CTNND2: variants seen among roughly 807,000 people sequenced by gnomAD.
The protein encoded by CTNND2 is catenin delta 2, also known as catenin delta-2.
A neutral mutation model predicts 144.4 loss-of-function variants in CTNND2; 22 were observed. The observed-to-expected ratio is 0.15, with a 90% CI of 0.11 to 0.22. The LOEUF is 0.22. Ranked by LOEUF, CTNND2 falls within the 10% of genes least tolerant of loss-of-function variation. CTNND2 has a pLI of 1.00. For missense variants in CTNND2, 1,353 were observed against 1,618.8 expected (o/e 0.84, Z 2.82); for synonymous variants, 751 against 695.6 (o/e 1.08, Z -1.25).
chr5:11,073,756 C>T (rs895047374), intron 16 of CTNND2, among the ~76,000 whole-genome samples: 1 of 152,180 alleles, frequency 6.6e-6, no homozygotes, highest in African/African-American at 2.4e-5. Flanking sequence ...GGCACCTAAT[C>T]TGAAGATACA....
chr5:11,314,824 T>C (rs1376461639), intron 9 of CTNND2, among the ~76,000 whole-genome samples: 1 of 150,438 alleles, frequency 6.6e-6, no homozygotes, highest in Non-Finnish European at 1.5e-5. Context: ...AATGGGGACA[T>C]GATTTGGGGA....
intron 3 of CTNND2, among the ~76,000 whole-genome samples, chr5:11,460,931 C>A (rs1392149121): frequency 2.6e-5 from 4 of 152,060 alleles, no homozygotes. Flanking sequence ...CGTCTGTAAT[C>A]CCAGCTACTT....
intron 11 of CTNND2, among the ~76,000 whole-genome samples, chr5:11,160,495 T>C (rs1183256470): frequency 6.6e-6 from 1 of 152,254 alleles, no homozygotes; most frequent in Non-Finnish European, 1.5e-5. Flanking sequence ...AAATATTTTT[T>C]AAAAGGAGAT....
intron 9 of CTNND2, among the ~76,000 whole-genome samples, chr5:11,288,560 T>C (rs1311438): frequency 0.33 from 50,874 of 151,918 alleles, 8,614 homozygotes; most frequent in Middle Eastern, 0.44. Flanking sequence ...GATCTTTTGA[T>C]ATATCTAGCT....
chr5:11,735,806 C>A (rs1055478596), intron 1 of CTNND2, among the ~76,000 whole-genome samples: 1 of 152,146 alleles, frequency 6.6e-6, no homozygotes, highest in Non-Finnish European at 1.5e-5. Context: ...CCATGCAGAA[C>A]TGTGAGTCCA....
Position 10,973,410 on chromosome 5 carries a change from T to C in CTNND2, c.*43A>G, listed in dbSNP as rs200216751. On this transcript the variant is annotated 3_prime_UTR_variant, in exon 22 of 22. Transcript: ENST00000304623. The surrounding 1 kb of genome is among the most constrained non-coding windows in gnomAD (Gnocchi z 5.6). ...AAACAGAAAGAAATGTCTTGTGGTA[T>C]GCATGCACATGCACTGTTCCCGGAG... The C allele has an allele frequency of 8.0e-5, 120 of 1,493,986 alleles. No homozygotes were observed. The highest frequency in any genetic ancestry group is 5.6e-5 in the African/African-American group (4 of 71,064). The allele number at this position is 1,493,986 out of a possible 1,614,324, so 92.5% of individuals were successfully genotyped here. A position where few individuals can be genotyped will look rare whatever the true frequency, so the allele number is the denominator to read the frequency against.
chr5:11,493,952 ATACT>A (rs564437762), intron 3 of CTNND2, among the ~76,000 whole-genome samples: 27 of 151,276 alleles, frequency 1.8e-4, no homozygotes, highest in Admixed American at 5.3e-4. Context: ...TTATGAATTA[ATACT>A]TAAATATAAA....
At position 11,166,657 on chromosome 5, in the gene CTNND2, T is replaced by C. The variant is rs536149681; in HGVS notation, c.1976-6898A>G. 2.6e-5 allele frequency among the ~76,000 whole-genome samples: 4 copies of C among 152,272 alleles called. No homozygotes were observed. In the East Asian group the frequency reaches 7.7e-4, roughly 29 times the overall value. ...CCACTACCTCCTCCACCCACACCCA[T>C]TCACACTTTGAGTCCCTAGTGTGTG... On this transcript the variant is annotated intron_variant, in intron 11 of 21. Transcript: ENST00000304623.
chr5:11,197,637 A>G (rs1736997155), intron 11 of CTNND2, among the ~76,000 whole-genome samples: 2 of 152,138 alleles, frequency 1.3e-5, no homozygotes, highest in Non-Finnish European at 2.9e-5. Context: ...GGCACACGTG[A>G]ACGGCCGACA....
intron 1 of CTNND2, among the ~76,000 whole-genome samples, chr5:11,770,415 AGAAGGAAGGAAG>A (rs1206057309): frequency 7.0e-4 from 7 of 10,030 alleles, no homozygotes; most frequent in African/African-American, 6.5e-4. Flanking sequence ...AAAAAAGGAA[AGAAGGAAGGAAG>A]GAAGGAAGGA....
intron 3 of CTNND2, among the ~76,000 whole-genome samples, chr5:11,451,643 T>TCAA (rs1275033843): frequency 1.3e-5 from 2 of 152,324 alleles, no homozygotes; most frequent in East Asian, 3.9e-4. Flanking sequence ...TAAATGATAC[T>TCAA]CAACCTGGAT....
At chr5:11,479,805 T>C (rs890104866) in intron 3 of CTNND2, among the ~76,000 whole-genome samples, 3 of 152,196 alleles carry the variant, frequency 2.0e-5, no homozygotes, top group African/African-American at 7.2e-5. Context: ...ATGTCTTCTT[T>C]TGAAAAGTGT....
intron 2 of CTNND2, among the ~76,000 whole-genome samples, chr5:11,726,516 T>C (rs191173234): frequency 1.1e-4 from 17 of 152,308 alleles, no homozygotes; most frequent in Non-Finnish European, 1.5e-4. Context: ...CTATCTAATG[T>C]TTTAAACTTT....
intron 3 of CTNND2, among the ~76,000 whole-genome samples, chr5:11,444,252 A>T (rs1450184629): frequency 6.6e-6 from 1 of 152,216 alleles, no homozygotes; most frequent in Non-Finnish European, 1.5e-5. Flanking sequence ...GTTGGAATTG[A>T]TGTAGAGAAT....
chr5:11,888,365 A>G (rs13171834), intron 1 of CTNND2, among the ~76,000 whole-genome samples: 2 of 152,150 alleles, frequency 1.3e-5, no homozygotes, highest in Admixed American at 6.5e-5. Context: ...CGTGCACCCC[A>G]TTCCCCAGGG....
At chr5:11,112,013 A>ATTTTTTTTTT (rs538941858) in intron 13 of CTNND2, among the ~76,000 whole-genome samples, 1 of 151,162 alleles carries the variant, frequency 6.6e-6, no homozygotes, top group Admixed American at 6.6e-5. Flanking sequence ...CGCCCAGCTA[A>ATTTTTTTTTT]TTTTTTTTTG....
intron 2 of CTNND2, among the ~76,000 whole-genome samples, chr5:11,670,931 G>A (rs1783848000): frequency 6.6e-6 from 1 of 152,150 alleles, no homozygotes; most frequent in Non-Finnish European, 1.5e-5. Context: ...TCTTTTCCAT[G>A]TTTAGTGCTT....
At chr5:11,519,893 C>G (rs1302355305) in intron 3 of CTNND2, among the ~76,000 whole-genome samples, 1 of 151,860 alleles carries the variant, frequency 6.6e-6, no homozygotes, top group East Asian at 1.9e-4. Context: ...AATCTCAGCA[C>G]TTTGGGAGGC....
chr5:11,262,804 A>C (rs1051077044), intron 9 of CTNND2, among the ~76,000 whole-genome samples: 1 of 149,758 alleles, frequency 6.7e-6, no homozygotes, highest in African/African-American at 2.5e-5. Context: ...AAAGAAAGAA[A>C]CGAAATTTGT....
Sources: allele counts gnomAD v4.1 joint callset (sites outside exome capture counted in the v4.1 genomes callset), GRCh38; gene constraint gnomAD v4.1.1; non-coding constraint Gnocchi (gnomAD v3.1); transcripts MANE v1.5; gene names NCBI Gene and HGNC (gene_info 2026-07-23, HGNC 2026-07-21).